Variants in NSMAF observed in about 807,000 individuals in gnomAD.
The protein encoded by NSMAF is protein FAN.
NSMAF carries 90 observed loss-of-function variants against 134.9 expected under a neutral mutation model. The ratio of observed to expected loss-of-function variants is 0.67; its 90% CI spans 0.56 to 0.79. The LOEUF (loss-of-function observed/expected upper bound fraction) is 0.79. Among genes scored for constraint, NSMAF ranks in the 30% least tolerant of loss-of-function variants. NSMAF has a pLI of 0.00. For missense variants in NSMAF, 1,010 were observed against 1,119.0 expected (o/e 0.90, Z 1.39); for synonymous variants, 358 against 389.6 (o/e 0.92, Z 0.96).
chr8:58,659,586 A>G lies in NSMAF; in HGVS notation c.46T>C (p.Tyr16His). ...KKQQEQQLQLYSKERFSLLLL... is the reference protein window; with the variant it reads ...KKQQEQQLQLHSKERFSLLLL... ...CTGGGCGCGCACCTCTCCTTGGAGT[A>G]GAGCTGCAGCTGCTGCTCCTGCTGC... The change falls in exon 1 of 31, where the codon TAC (tyrosine) becomes CAC (histidine). Residue 16 changes from tyrosine to histidine, a missense_variant. Coordinates refer to ENST00000038176, the MANE Select transcript of NSMAF (RefSeq NM_003580.4). 1 of 1,510,820 alleles carries G rather than the reference A, an allele frequency of 6.6e-7. No homozygotes were observed. The highest frequency in any genetic ancestry group is 8.8e-7 in the Non-Finnish European group (1 of 1,131,488). 93.6% of individuals were successfully genotyped at this position (1,510,820 alleles called of 1,614,324 possible). A position where few individuals can be genotyped will look rare whatever the true frequency, so the allele number is the denominator to read the frequency against.
At chr8:58,658,164 C>A (rs946703388) in intron 1 of NSMAF, among the ~76,000 whole-genome samples, 128 of 152,296 alleles carry the variant, frequency 8.4e-4, no homozygotes, top group African/African-American at 2.9e-3. Flanking sequence ...CCACTCAATA[C>A]AGAGCACCAA....
At position 58,603,382 on chromosome 8, in the gene NSMAF, G is replaced by C. The variant is rs1170361773; in HGVS notation, c.873C>G (p.His291Gln). ...LYFYIATYLE[H>Q]HVAEHTAESY... ...TCTCAGCAGTGTGCTCCGCCACATG[G>C]TGCTCTGGGGGAAGAGGACCCACGA... Residue 291 changes from histidine to glutamine, a missense_variant, in exon 13 of 31, where the codon CAC becomes CAG. Physicochemically the swap from His to Gln is conservative, Grantham distance 24. Coordinates refer to ENST00000038176, the MANE Select transcript of NSMAF (RefSeq NM_003580.4). The C allele has an allele frequency of 1.2e-6, 2 of 1,613,398 alleles. No individual in the cohort carries two copies. The highest frequency in any genetic ancestry group is 1.7e-6 in the Non-Finnish European group (2 of 1,179,950).
Position 58,584,007 on chromosome 8 carries a change from C to G in NSMAF, c.*99G>C, listed in dbSNP as rs766162205. The G allele has an allele frequency of 2.5e-4, 234 of 947,550 alleles. No individual in the cohort carries two copies. The highest frequency in any genetic ancestry group is 4.2e-5 in the Non-Finnish European group (25 of 593,130). The allele number at this position is 947,550 out of a possible 1,614,324, so 58.7% of individuals were successfully genotyped here. A position where few individuals can be genotyped will look rare whatever the true frequency, so the allele number is the denominator to read the frequency against. The stretch of plus-strand genomic sequence containing the variant: ...ACAAATTTTCCATGTGGTAAAACTT[C>G]TAATTACTAACATTGCACATTCACC... On this transcript the variant is annotated 3_prime_UTR_variant, in exon 31 of 31. Transcript: ENST00000038176.
intron 9 of NSMAF, among the ~76,000 whole-genome samples, chr8:58,614,609 C>T (rs1339481442): frequency 1.3e-5 from 2 of 152,224 alleles, no homozygotes; most frequent in African/African-American, 4.8e-5. Context: ...TGCTTTCACA[C>T]CACTGTAAGC....
intron 2 of NSMAF, among the ~76,000 whole-genome samples, chr8:58,642,255 G>C (rs1019604674): frequency 6.6e-6 from 1 of 152,190 alleles, no homozygotes; most frequent in African/African-American, 2.4e-5. Context: ...ATGGCTTACA[G>C]TTGTTAAGTA....
intron 9 of NSMAF, among the ~76,000 whole-genome samples, chr8:58,620,206 G>A (rs568867925): frequency 6.6e-6 from 1 of 152,292 alleles, no homozygotes; most frequent in East Asian, 1.9e-4. Context: ...ATTGCAACTT[G>A]AAGTCTCAGG....
At chr8:58,637,122 G>C in intron 2 of NSMAF, 1 of 317,520 alleles carries the variant, frequency 3.1e-6, no homozygotes, top group South Asian at 2.7e-5. Context: ...CATTGCAGAA[G>C]TTATTCTTTT....
chr8:58,601,370 G>T (rs1430950057), intron 15 of NSMAF, 22 bp from the exon 16 acceptor site: 1 of 1,612,564 alleles, frequency 6.2e-7, no homozygotes, highest in Non-Finnish European at 8.5e-7. Context: ...AAAGTCAGAG[G>T]TAAGTCAGGT....
chr8:58,654,116 G>C (rs1347087757), intron 1 of NSMAF, among the ~76,000 whole-genome samples: 1 of 152,156 alleles, frequency 6.6e-6, no homozygotes, highest in African/African-American at 2.4e-5. Flanking sequence ...ATTAAGTCCT[G>C]ACTTTATCTC....
intron 6 of NSMAF, among the ~76,000 whole-genome samples, chr8:58,626,222 C>G (rs1006128565): frequency 9.9e-5 from 15 of 151,610 alleles, no homozygotes; most frequent in Admixed American, 7.9e-4. Context: ...TCTCAGCCTC[C>G]CAAGTAGCTG....
At chr8:58,624,035 A>ATTTTTTTTTTTTTTTTTTTTTT (rs11431046) in intron 6 of NSMAF, among the ~76,000 whole-genome samples, 1 of 99,098 alleles carries the variant, frequency 1.0e-5, no homozygotes. Flanking sequence ...TAGAGTTAGG[A>ATTTTTTTTTTTTTTTTTTTTTT]TTTTTTTTTT....
chr8:58,641,338 C>T (rs941753996), intron 2 of NSMAF, among the ~76,000 whole-genome samples: 1 of 152,180 alleles, frequency 6.6e-6, no homozygotes, highest in Admixed American at 6.5e-5. Context: ...GGTTCCAAAA[C>T]GAAAGTTACA....
Position 58,602,054 on chromosome 8 carries a change from AT to A in NSMAF, c.1125+3del. ...AGAAACCAAGAATCTCTAAGTCCACATACCAGTAGTCTCTCCAGCCGTTCCT... is the reference window on the plus strand; with the variant it reads ...AGAAACCAAGAATCTCTAAGTCCACAACCAGTAGTCTCTCCAGCCGTTCCT... On this transcript the variant is annotated splice_donor_region_variant and intron_variant, in intron 14 of 30. Transcript: ENST00000038176. 6.2e-7 allele frequency: 1 copy of A among 1,609,260 alleles called. No homozygotes were observed. The highest frequency in any genetic ancestry group is 8.5e-7 in the Non-Finnish European group (1 of 1,176,362).
At chr8:58,593,348 C>T (rs1262342948) in intron 23 of NSMAF, among the ~76,000 whole-genome samples, 5 of 152,108 alleles carry the variant, frequency 3.3e-5, no homozygotes, top group African/African-American at 1.2e-4. Context: ...GAATGAAATG[C>T]TACAGATCAT....
chr8:58,603,128 T>C (rs1806322728), intron 13 of NSMAF, 82 bp downstream of exon 13: 2 of 1,325,224 alleles, frequency 1.5e-6, no homozygotes, highest in Non-Finnish European at 2.1e-6. Context: ...AATTATAAAA[T>C]AGAATTTATT....
At chr8:58,607,646 T>C in intron 11 of NSMAF, 123 bp downstream of exon 11, 2 of 718,674 alleles carry the variant, frequency 2.8e-6, no homozygotes, top group East Asian at 2.5e-5. Context: ...AATCAGAGTC[T>C]ATTTTCTTAC....
chr8:58,589,605 T>C (rs1805978730), intron 25 of NSMAF, 30 bp from the exon 26 acceptor site: 3 of 1,544,108 alleles, frequency 1.9e-6, no homozygotes, highest in Non-Finnish European at 2.6e-6. Context: ...ATTAAAACAG[T>C]AGTCTGGCTT....
chr8:58,584,922 C>G (rs1009023626), intron 30 of NSMAF, among the ~76,000 whole-genome samples: 5 of 152,214 alleles, frequency 3.3e-5, no homozygotes, highest in Non-Finnish European at 7.3e-5. Context: ...GCCACTGAGC[C>G]TGGCCCAGAC....
chr8:58,595,025 A>G (rs538895662), intron 22 of NSMAF: 193 of 155,358 alleles, frequency 1.2e-3, no homozygotes, highest in Non-Finnish European at 1.9e-3. Flanking sequence ...TTTCTACCAG[A>G]GAACATGAAG....
Sources: gnomAD v4.1 joint callset for allele counts (sites outside exome capture counted in the v4.1 genomes callset) on GRCh38, gnomAD v4.1.1 for gene constraint, MANE v1.5 for transcripts, NCBI Gene and HGNC (gene_info 2026-07-23, HGNC 2026-07-21) for gene names.